The following PIK3CD variants were observed in gnomAD, a reference collection of about 807,000 sequenced individuals.
PIK3CD encodes phosphatidylinositol 4,5-bisphosphate 3-kinase catalytic subunit delta isoform.
In PIK3CD, 20 loss-of-function variants were observed where a neutral mutation model predicts 122.9. The ratio of observed to expected loss-of-function variants is 0.16; its 90% CI spans 0.11 to 0.24. The LOEUF is 0.24. Ranked by LOEUF, PIK3CD falls within the 10% of genes least tolerant of loss-of-function variation. PIK3CD has a pLI of 1.00. For missense variants in PIK3CD, 787 were observed against 1,406.3 expected (o/e 0.56, Z 7.04); for synonymous variants, 596 against 593.4 (o/e 1.00, Z -0.06).
rs140610771 is a variant in PIK3CD, at chr1:9,667,769, C to T, written c.-138+15967C>T. Among the ~76,000 whole-genome samples, 1,144 of 148,988 alleles carry T rather than the reference C, an allele frequency of 7.7e-3. 34 individuals carry two copies. Among genetic ancestry groups the T allele is most frequent in the Admixed American group, 0.048 (717 of 14,812 alleles). Reference sequence around the variant, plus strand: ...TTTTTTTTTTTGAGATAGGGTCTCACTCTGTCGCCCACACTGGAGTGCACT... The same window carrying T: ...TTTTTTTTTTTGAGATAGGGTCTCATTCTGTCGCCCACACTGGAGTGCACT... On this transcript the variant is annotated intron_variant, in intron 1 of 23. Coordinates refer to ENST00000377346, the MANE Select transcript of PIK3CD (RefSeq NM_005026.5).
At position 9,717,543 on chromosome 1, in the gene PIK3CD, T is replaced by C. The variant is rs1395915862; in HGVS notation, c.937T>C (p.Ser313Pro). 1 of 1,614,050 alleles carries C rather than the reference T, an allele frequency of 6.2e-7. No individual in the cohort carries two copies. Among genetic ancestry groups the C allele is most frequent in the East Asian group, 2.2e-5 (1 of 44,888 alleles). ...PPPIPAKKPS[S>P]VSLWSLEQPF... ...CTGCTTCCCCGGCCCCCAGCCTTCC[T>C]CTGTGTCCCTGTGGTCCCTGGAGCA... The change falls in exon 8 of 24, where the codon TCT becomes CCT. Residue 313 changes from serine to proline, a missense_variant. By Grantham distance (74) the Ser-to-Pro change is moderately conservative. Around this residue, in one of 6 missense-constraint regions of PIK3CD, gnomAD observed 592 missense variants for 920.6 expected, o/e 0.64. Transcript: ENST00000377346. This position sits in a 1 kb window ranked among gnomAD's most constrained non-coding sequence, Gnocchi z 5.4.
At chr1:9,684,220 C>A (rs1645877741) in intron 1 of PIK3CD, among the ~76,000 whole-genome samples, 1 of 152,102 alleles carries the variant, frequency 6.6e-6, no homozygotes, top group African/African-American at 2.4e-5. Flanking sequence ...GCCACACGTG[C>A]TTTTTGGCTG....
At chr1:9,655,184 C>A (rs1489052302) in intron 1 of PIK3CD, among the ~76,000 whole-genome samples, 5 of 152,064 alleles carry the variant, frequency 3.3e-5, no homozygotes, top group African/African-American at 4.8e-5. Flanking sequence ...GAAGCAGTAC[C>A]CCGGGATGGA....
chr1:9,657,063 C>T lies in PIK3CD; in HGVS notation c.-138+5261C>T, dbSNP rs549562665. ...TGTAGGGGGAGAATCCTGCTTTGCT[C>T]TTCCTTCTGGGGGCTCCAGCGTATC... On this transcript the variant is annotated intron_variant, in intron 1 of 23. Transcript: ENST00000377346. Among the ~76,000 whole-genome samples, 90 of 152,056 alleles carry T rather than the reference C, an allele frequency of 5.9e-4. 2 individuals carry two copies. Among genetic ancestry groups the T allele is most frequent in the Non-Finnish European group, 6.2e-4 (42 of 68,014 alleles).
rs145144642 is a variant in PIK3CD, at chr1:9,674,415, C to T, written c.-137-17052C>T. 8.3e-3 allele frequency among the ~76,000 whole-genome samples: 1,265 copies of T among 152,260 alleles called. 16 individuals are homozygous for T. Among genetic ancestry groups the T allele is most frequent in the Non-Finnish European group, 0.014 (933 of 68,014 alleles). On this transcript the variant is annotated intron_variant, in intron 1 of 23. Transcript: ENST00000377346. ...CGAAGGTTGGCCGGGCGCGGTGGCT[C>T]ATGCCTGTAACCCCAGCACTTTGGG...
intron 2 of PIK3CD, among the ~76,000 whole-genome samples, chr1:9,708,793 C>T (rs1003482344): frequency 9.2e-5 from 14 of 152,054 alleles, no homozygotes; most frequent in African/African-American, 3.4e-4. Flanking sequence ...GATTGCACCA[C>T]TGCACTCCAG....
At chr1:9,705,359 T>C (rs977588541) in intron 2 of PIK3CD, among the ~76,000 whole-genome samples, 5 of 145,496 alleles carry the variant, frequency 3.4e-5, no homozygotes, top group Non-Finnish European at 7.5e-5. Context: ...AAAAAGGGTG[T>C]AGTGGCATAC....
chr1:9,726,150 C>G (rs1328414886), intron 23 of PIK3CD, among the ~76,000 whole-genome samples: 1 of 151,668 alleles, frequency 6.6e-6, no homozygotes, highest in Non-Finnish European at 1.5e-5. Context: ...GAGACTGAGG[C>G]TGCAGTAAGC....
the PIK3CD span, among the ~76,000 whole-genome samples, chr1:9,639,641 C>G: frequency 6.6e-6 from 1 of 152,232 alleles, no homozygotes; most frequent in Non-Finnish European, 1.5e-5. Context: ...AATAAGGCCT[C>G]GCTTTCTGGA....
In PIK3CD at chr1:9,680,152, T is replaced by G. The variant is rs142670978; in HGVS notation, c.-137-11315T>G. Among the ~76,000 whole-genome samples the G allele has an allele frequency of 7.8e-3, 1,192 of 152,196 alleles. 36 individuals carry two copies. The highest frequency in any genetic ancestry group is 0.049 in the Admixed American group (748 of 15,278). ...ATGGTTTTTATTTTTATTTTTAAATTTTTTGTAGAGATGGAGTCTTGCTAT... is the reference window on the plus strand; with the variant it reads ...ATGGTTTTTATTTTTATTTTTAAATGTTTTGTAGAGATGGAGTCTTGCTAT... On this transcript the variant is annotated intron_variant, in intron 1 of 23. Coordinates refer to ENST00000377346, the MANE Select transcript of PIK3CD (RefSeq NM_005026.5).
intron 2 of PIK3CD, among the ~76,000 whole-genome samples, chr1:9,705,259 C>T (rs887157532): frequency 3.3e-5 from 5 of 150,170 alleles, no homozygotes; most frequent in African/African-American, 7.4e-5. Context: ...TCACTTGAGC[C>T]CAGGAGTTTG....
chr1:9,709,727 C>T (rs1646976232), intron 2 of PIK3CD, among the ~76,000 whole-genome samples: 1 of 152,006 alleles, frequency 6.6e-6, no homozygotes, highest in African/African-American at 2.4e-5. Flanking sequence ...TATTTCACAG[C>T]TGGGTATGGT....
At chr1:9,634,203 G>A in the PIK3CD span, among the ~76,000 whole-genome samples, 5 of 148,132 alleles carry the variant, frequency 3.4e-5, no homozygotes, top group Admixed American at 3.4e-4. Context: ...ACTCAGACTG[G>A]AGTGCAGTGA....
the PIK3CD span, among the ~76,000 whole-genome samples, chr1:9,641,468 TCA>T: frequency 0.11 from 17,464 of 152,098 alleles, 3,017 homozygotes; most frequent in African/African-American, 0.38. Context: ...TCCTTCAAGG[TCA>T]CACAGCCGAC....
At chr1:9,661,733 A>G (rs956511854) in intron 1 of PIK3CD, among the ~76,000 whole-genome samples, 1 of 152,182 alleles carries the variant, frequency 6.6e-6, no homozygotes, top group African/African-American at 2.4e-5. Context: ...GCGGTGGCTC[A>G]CGCCTGTAAT....
chr1:9,638,425 G>A, the PIK3CD span, among the ~76,000 whole-genome samples: 7 of 151,904 alleles, frequency 4.6e-5, no homozygotes, highest in East Asian at 3.9e-4. Flanking sequence ...ACCCGCTTCC[G>A]ATGCTATAAA....
intron 1 of PIK3CD, among the ~76,000 whole-genome samples, chr1:9,664,680 G>T (rs1645107497): frequency 6.6e-6 from 1 of 152,208 alleles, no homozygotes; most frequent in African/African-American, 2.4e-5. Flanking sequence ...AGGGAGAGTT[G>T]TTTGTTGGGC....
At chr1:9,646,748 T>G (rs1392177534), upstream of PIK3CD, among the ~76,000 whole-genome samples, 1 of 150,006 alleles carries the variant, frequency 6.7e-6, no homozygotes, top group Non-Finnish European at 1.5e-5. Flanking sequence ...AGGTCAGGAG[T>G]TGGAGACCAG....
chr1:9,685,847 G>A (rs1321426354), intron 1 of PIK3CD, among the ~76,000 whole-genome samples: 1 of 152,124 alleles, frequency 6.6e-6, no homozygotes, highest in African/African-American at 2.4e-5. Flanking sequence ...GCCCTCAGTC[G>A]TGCCTGGCTT....
Sources: allele counts gnomAD v4.1 joint callset (sites outside exome capture counted in the v4.1 genomes callset), GRCh38; gene constraint gnomAD v4.1.1; regional missense constraint gnomAD v4.1.1; non-coding constraint Gnocchi (gnomAD v3.1); transcripts MANE v1.5; gene names NCBI Gene and HGNC (gene_info 2026-07-23, HGNC 2026-07-21).